NAV3: variants seen among roughly 807,000 people sequenced by gnomAD.
The protein encoded by NAV3 is neuron navigator 3.
In NAV3, 87 loss-of-function variants were observed where a neutral mutation model predicts 244.7. That is an observed-to-expected ratio of 0.36 (90% CI 0.30 to 0.42). NAV3 has a LOEUF of 0.42. NAV3 is among the 20% of genes least tolerant of loss of function. NAV3 has a pLI of 1.00. For missense variants in NAV3, 2,663 were observed against 2,893.3 expected, an observed-to-expected ratio of 0.92 and a Z score of 1.83; for synonymous variants, 1,126 against 1,042.2, an observed-to-expected ratio of 1.08 and a Z score of -1.55.
At chr12:77,951,207 T>C (rs1466133927) in intron 3 of NAV3, among the ~76,000 whole-genome samples, 1 of 151,894 alleles carries the variant, frequency 6.6e-6, no homozygotes, top group African/African-American at 2.4e-5. Context: ...TACAAAGAAC[T>C]CAAACAAATT....
Position 77,998,333 on chromosome 12 carries a change from T to C in NAV3, c.741-4T>C, listed in dbSNP as rs771245212. 6.4e-7 allele frequency: 1 copy of C among 1,551,152 alleles called. No homozygotes were observed. Among genetic ancestry groups the C allele is most frequent in the South Asian group, 1.2e-5 (1 of 81,386 alleles). ...ATGATGTAATTTTTCTTATACTATTTCAGGCTTCCAGGGCCCTCTAGGGTG... is the reference window on the plus strand; with the variant it reads ...ATGATGTAATTTTTCTTATACTATTCCAGGCTTCCAGGGCCCTCTAGGGTG... On this transcript the variant is annotated splice_region_variant and splice_polypyrimidine_tract_variant and intron_variant, in intron 6 of 39. Transcript: ENST00000397909.
upstream of NAV3, among the ~76,000 whole-genome samples, chr12:77,828,910 C>T (rs1356673408): frequency 6.6e-6 from 1 of 152,078 alleles, no homozygotes; most frequent in Non-Finnish European, 1.5e-5. Context: ...TTGTAATTGG[C>T]AAACAGGAAT....
At chr12:77,654,643 G>T (rs762867019) in intron 2 of NAV3, among the ~76,000 whole-genome samples, 1 of 152,184 alleles carries the variant, frequency 6.6e-6, no homozygotes, top group Non-Finnish European at 1.5e-5. Context: ...AGAACGGGCA[G>T]ACTGCCTCCT....
intron 2 of NAV3, among the ~76,000 whole-genome samples, chr12:77,657,020 T>C (rs1234919907): frequency 1.3e-5 from 2 of 152,042 alleles, no homozygotes; most frequent in Admixed American, 6.6e-5. Flanking sequence ...AGATCCAAAA[T>C]TGACACCCTA....
At chr12:77,712,408 T>C (rs1876163522) in intron 2 of NAV3, among the ~76,000 whole-genome samples, 1 of 152,180 alleles carries the variant, frequency 6.6e-6, no homozygotes, top group African/African-American at 2.4e-5. Context: ...GGGCTCTCTC[T>C]ATGGTGAAAT....
intron 34 of NAV3, among the ~76,000 whole-genome samples, chr12:78,191,020 C>A (rs541300249): frequency 1.3e-5 from 2 of 152,170 alleles, no homozygotes; most frequent in East Asian, 3.9e-4. Context: ...TAAGCAATAC[C>A]TTGAGGGAAT....
chr12:78,118,032 G>A lies in NAV3; in HGVS notation c.2775G>A (p.Arg925=), dbSNP rs1955497975. 1 of 1,605,420 alleles carries A rather than the reference G, an allele frequency of 6.2e-7. No individual in the cohort carries two copies. Among genetic ancestry groups the A allele is most frequent in the Non-Finnish European group, 8.5e-7 (1 of 1,175,794 alleles). Reference sequence around the variant, plus strand: ...TGTAATATTTGTCTTTATAGCTGAGGACAGATTCAGAGAAACGCTCCACCA... The same window carrying A: ...TGTAATATTTGTCTTTATAGCTGAGAACAGATTCAGAGAAACGCTCCACCA... ...TVPSRKNTQL[R]TDSEKRSTTD... is the part of the protein sequence containing the mutation. The change falls in exon 14 of 40, where the codon AGG becomes AGA. Residue 925 remains arginine (R), a synonymous_variant. Transcript: ENST00000397909.
At chr12:77,998,846 AG>A (rs1478109721) in intron 7 of NAV3, among the ~76,000 whole-genome samples, 1 of 152,176 alleles carries the variant, frequency 6.6e-6, no homozygotes, top group Non-Finnish European at 1.5e-5. Flanking sequence ...TTAAGGTAAG[AG>A]CCATAAGTGT....
chr12:77,698,458 T>C (rs1875414208), intron 2 of NAV3, among the ~76,000 whole-genome samples: 1 of 152,118 alleles, frequency 6.6e-6, no homozygotes, highest in Non-Finnish European at 1.5e-5. Flanking sequence ...AGAGTGTAGA[T>C]AGAAAACAAG....
intron 12 of NAV3, among the ~76,000 whole-genome samples, chr12:78,061,221 A>G (rs1884278136): frequency 6.6e-6 from 1 of 152,204 alleles, no homozygotes; most frequent in Admixed American, 6.5e-5. Flanking sequence ...TTCAAGCATC[A>G]CTATATTAAG....
At chr12:77,744,523 A>C (rs1388512022) in intron 2 of NAV3, among the ~76,000 whole-genome samples, 1 of 151,874 alleles carries the variant, frequency 6.6e-6, no homozygotes, top group Non-Finnish European at 1.5e-5. Flanking sequence ...CCGATGGAAA[A>C]TTGTTGTGTA....
At chr12:78,196,643 A>C (rs1221622725) in intron 34 of NAV3, among the ~76,000 whole-genome samples, 1 of 152,012 alleles carries the variant, frequency 6.6e-6, no homozygotes. Context: ...TAAACTCAGG[A>C]GATGCTAAAT....
intron 1 of NAV3, among the ~76,000 whole-genome samples, chr12:77,885,121 A>AT (rs1324486790): frequency 6.6e-6 from 1 of 152,032 alleles, no homozygotes; most frequent in African/African-American, 2.4e-5. Flanking sequence ...CAGTCTCATC[A>AT]TTTTTTAATC....
intron 38 of NAV3, among the ~76,000 whole-genome samples, chr12:78,204,193 G>A (rs547005319): frequency 6.6e-5 from 10 of 151,716 alleles, no homozygotes; most frequent in African/African-American, 2.2e-4. Flanking sequence ...ATCACACTCC[G>A]GGGACTGTTG....
chr12:78,097,498 G>C (rs1199923412), intron 12 of NAV3, among the ~76,000 whole-genome samples: 1 of 152,104 alleles, frequency 6.6e-6, no homozygotes, highest in Non-Finnish European at 1.5e-5. Flanking sequence ...CCCCCATCTA[G>C]AGATATTCAC....
intron 5 of NAV3, among the ~76,000 whole-genome samples, chr12:77,989,236 G>T: frequency 6.6e-6 from 1 of 152,032 alleles, no homozygotes. Context: ...ACAAGGAGAG[G>T]CAACAGACGT....
At chr12:78,091,546 C>T (rs1053452146) in intron 12 of NAV3, 1 of 152,090 alleles carries the variant, frequency 6.6e-6, no homozygotes, top group African/African-American at 2.4e-5. Flanking sequence ...CCTGTAATCC[C>T]AGCACTTTGG....
At chr12:77,605,148 A>G (rs1169747955) in intron 2 of NAV3, among the ~76,000 whole-genome samples, 1 of 152,142 alleles carries the variant, frequency 6.6e-6, no homozygotes, top group Non-Finnish European at 1.5e-5. Context: ...GCAATTCTAA[A>G]TAATATAAGA....
chr12:77,628,588 A>C (rs1379328153), intron 2 of NAV3, among the ~76,000 whole-genome samples: 1 of 152,176 alleles, frequency 6.6e-6, no homozygotes, highest in Non-Finnish European at 1.5e-5. Context: ...TTGCTTTTCA[A>C]GAATCCAAAA....
Sources: gnomAD v4.1 joint callset for allele counts (sites outside exome capture counted in the v4.1 genomes callset) on GRCh38, gnomAD v4.1.1 for gene constraint, MANE v1.5 for transcripts, NCBI Gene and HGNC (gene_info 2026-07-23, HGNC 2026-07-21) for gene names.